GSE1: variants seen among roughly 807,000 people sequenced by gnomAD.
GSE1 encodes genetic suppressor element 1.
A neutral mutation model predicts 112.6 loss-of-function variants in GSE1; 32 were observed. That is an observed-to-expected ratio of 0.28 (90% CI 0.21 to 0.38). The LOEUF (loss-of-function observed/expected upper bound fraction) is 0.38, where lower values mean the gene tolerates loss of function less well. GSE1 is among the 10% of genes least tolerant of loss of function. GSE1 has a pLI of 1.00. For missense variants in GSE1, 2,348 were observed against 1,699.2 expected, an observed-to-expected ratio of 1.38 and a Z score of -6.71; for synonymous variants, 1,115 against 735.6, an observed-to-expected ratio of 1.52 and a Z score of -8.35.
At chr16:85,412,809 A>G (rs970149900) in intron 2 of GSE1, among the ~76,000 whole-genome samples, 12 of 152,156 alleles carry the variant, frequency 7.9e-5, no homozygotes, top group Non-Finnish European at 1.5e-4. Context: ...TGTTGATTTA[A>G]TCACACCTGC....
intron 1 of GSE1, among the ~76,000 whole-genome samples, chr16:85,565,588 G>GGAA (rs1242252901): frequency 1.3e-5 from 2 of 152,164 alleles, no homozygotes; most frequent in Non-Finnish European, 2.9e-5. Flanking sequence ...GGAGAGAAGG[G>GGAA]GAAGGGTGAG....
intron 1 of GSE1, among the ~76,000 whole-genome samples, chr16:85,575,586 T>G (rs1321988003): frequency 6.6e-6 from 1 of 152,152 alleles, no homozygotes; most frequent in Non-Finnish European, 1.5e-5. Context: ...TTGCGATTTC[T>G]TTTTCATGAC....
rs1410374932 is a variant in GSE1, at chr16:85,274,018, GA to G, written c.2284-83440del. On this transcript the variant is annotated intron_variant, in intron 1 of 2. Coordinates refer to the GSE1 transcript ENST00000637419. ...ATCCAGGGTCTCTTTTTGGGGTGAT[GA>G]AAAAGTTCTGGAAGTAGATAGAGGT... Among the ~76,000 whole-genome samples, 47 of 151,362 alleles carry G rather than the reference GA, an allele frequency of 3.1e-4. 1 individual carries two copies. The highest frequency in any genetic ancestry group is 1.6e-3 in the Admixed American group (24 of 15,128).
chr16:85,543,486 C>T (rs7186320), intron 2 of GSE1, among the ~76,000 whole-genome samples: 11,462 of 152,244 alleles, frequency 0.075, 464 homozygotes, highest in Middle Eastern at 0.13. Flanking sequence ...ATAGAGTCCA[C>T]ACCCCATTCC....
At chr16:85,240,763 C>T (rs748221842) in intron 1 of GSE1, among the ~76,000 whole-genome samples, 7 of 152,302 alleles carry the variant, frequency 4.6e-5, no homozygotes, top group Middle Eastern at 3.4e-3. Context: ...TCAGAATGGG[C>T]GCTCAGGACT....
chr16:85,658,196 C>G (rs991406984), intron 8 of GSE1, among the ~76,000 whole-genome samples: 17 of 152,242 alleles, frequency 1.1e-4, no homozygotes, highest in African/African-American at 4.1e-4. Flanking sequence ...CTGCCCCTGC[C>G]TGCCCTGGGA....
At chr16:85,384,298 C>T (rs956346617) in intron 2 of GSE1, among the ~76,000 whole-genome samples, 7 of 152,154 alleles carry the variant, frequency 4.6e-5, no homozygotes, top group Non-Finnish European at 8.8e-5. Flanking sequence ...GGCGAGCGGC[C>T]CATCCTGGGA....
At chr16:85,519,616 T>C (rs1301997084) in intron 2 of GSE1, among the ~76,000 whole-genome samples, 1 of 142,168 alleles carries the variant, frequency 7.0e-6, no homozygotes, top group Non-Finnish European at 1.5e-5. Flanking sequence ...ATCATCACCA[T>C]CACCACCACC....
intron 2 of GSE1, among the ~76,000 whole-genome samples, chr16:85,525,303 C>T (rs2052331524): frequency 6.6e-6 from 1 of 152,208 alleles, no homozygotes; most frequent in African/African-American, 2.4e-5. Context: ...AGCCCGTCTC[C>T]TGGGATCAAC....
chr16:85,663,318 C>T (rs972286345), intron 10 of GSE1, 26 bp from the exon 11 acceptor site: 1 of 1,611,932 alleles, frequency 6.2e-7, no homozygotes, highest in Non-Finnish European at 8.5e-7. Flanking sequence ...TGGCTTCAAA[C>T]TCATTTGTTT....
At chr16:85,612,572 C>T (rs1304075585), upstream of GSE1, among the ~76,000 whole-genome samples, 4 of 152,038 alleles carry the variant, frequency 2.6e-5, no homozygotes, top group African/African-American at 9.7e-5. Flanking sequence ...AGAACACCCC[C>T]CGCAGCGGCC....
At position 85,674,475 on chromosome 16, in the gene GSE1, G is replaced by GGGAGTCTGCTACAAAC. The variant is rs1388016693; in HGVS notation, c.*1937_*1952dup. 1 of 152,200 alleles carries GGGAGTCTGCTACAAAC rather than the reference G, an allele frequency of 6.6e-6. No homozygotes were observed. The highest frequency in any genetic ancestry group is 2.4e-5 in the African/African-American group (1 of 41,418). The allele number at this position is 152,200 out of a possible 1,614,324, so 9.4% of individuals were successfully genotyped here. A position where few individuals can be genotyped will look rare whatever the true frequency, so the allele number is the denominator to read the frequency against. On this transcript the variant is annotated 3_prime_UTR_variant, in exon 16 of 16. Transcript: ENST00000253458. The stretch of plus-strand genomic sequence containing the variant: ...TCAGCATGTTCCACAGGTGTTCAGA[G>GGGAGTCTGCTACAAAC]GGAGTCTGCTACAAACTATCAGGGC...
At chr16:85,374,396 G>C (rs760031792) in intron 2 of GSE1, among the ~76,000 whole-genome samples, 2 of 151,434 alleles carry the variant, frequency 1.3e-5, no homozygotes, top group Non-Finnish European at 2.9e-5. Context: ...GTGTGGTTGT[G>C]TGTGGCCCTC....
intron 1 of GSE1, among the ~76,000 whole-genome samples, chr16:85,333,249 C>G (rs2046413010): frequency 6.6e-6 from 1 of 152,156 alleles, no homozygotes. Flanking sequence ...AAGCCTCACC[C>G]TGGCTCTGAA....
chr16:85,541,444 C>T (rs1292651681), intron 2 of GSE1, among the ~76,000 whole-genome samples: 3 of 152,252 alleles, frequency 2.0e-5, no homozygotes, highest in Non-Finnish European at 2.9e-5. Context: ...ACCGTGTCCC[C>T]ACTGCCCCAG....
Position 85,534,045 on chromosome 16 carries a change from C to T in GSE1, c.2465-99869C>T, listed in dbSNP as rs530489621. ...ACGTTCCTTCTCAGGTATTCCTTCCCAATCATCTCTCCACCACAGCCAAGC... is the reference window on the plus strand; with the variant it reads ...ACGTTCCTTCTCAGGTATTCCTTCCTAATCATCTCTCCACCACAGCCAAGC... On this transcript the variant is annotated intron_variant, in intron 2 of 2. Coordinates refer to the GSE1 transcript ENST00000637419. Among the ~76,000 whole-genome samples, 3 of 152,192 alleles carry T rather than the reference C, an allele frequency of 2.0e-5. No individual in the cohort carries two copies. In the South Asian group the frequency reaches 6.2e-4, roughly 32 times the overall value.
intron 1 of GSE1, among the ~76,000 whole-genome samples, chr16:85,206,558 C>T (rs921174041): frequency 6.6e-6 from 1 of 152,114 alleles, no homozygotes; most frequent in Non-Finnish European, 1.5e-5. Flanking sequence ...CAGCTGCAAG[C>T]CAGGTGGGGC....
chr16:85,670,483 T>A (rs138883092), intron 14 of GSE1: 1 of 152,262 alleles, frequency 6.6e-6, no homozygotes, highest in Non-Finnish European at 1.5e-5. Flanking sequence ...TATTGTACTT[T>A]GGTATCCAGA....
At chr16:85,195,450 C>T (rs1597773401) in intron 1 of GSE1, among the ~76,000 whole-genome samples, 2 of 152,168 alleles carry the variant, frequency 1.3e-5, no homozygotes, top group African/African-American at 4.8e-5. Context: ...TTCCCATGTT[C>T]CTGAGGCCCA....
Sources: gnomAD v4.1 joint callset for allele counts (sites outside exome capture counted in the v4.1 genomes callset) on GRCh38, gnomAD v4.1.1 for gene constraint, MANE v1.5 for transcripts, NCBI Gene and HGNC (gene_info 2026-07-23, HGNC 2026-07-21) for gene names.